The following EML1 variants were observed in gnomAD, a reference collection of about 807,000 sequenced individuals.
The protein encoded by EML1 is EMAP like 1.
In EML1, 27 loss-of-function variants were observed where a neutral mutation model predicts 110.4. That is an observed-to-expected ratio of 0.24 (90% CI 0.18 to 0.34). EML1 has a LOEUF of 0.34. Among genes scored for constraint, EML1 ranks in the 10% least tolerant of loss-of-function variants. The pLI is 1.00. For missense variants in EML1, 741 were observed against 1,030.9 expected (o/e 0.72, Z 3.85); for synonymous variants, 344 against 385.8 (o/e 0.89, Z 1.27).
At chr14:99,823,988 T>C (rs2058308395) in intron 1 of EML1, among the ~76,000 whole-genome samples, 1 of 152,180 alleles carries the variant, frequency 6.6e-6, no homozygotes, top group Non-Finnish European at 1.5e-5. Flanking sequence ...AGTCTCGCTC[T>C]GTCGCCAGGC....
chr14:99,913,862 GTATTTT>G (rs1259900845), intron 13 of EML1, among the ~76,000 whole-genome samples: 2 of 151,886 alleles, frequency 1.3e-5, no homozygotes, highest in Admixed American at 1.3e-4. Context: ...GCTAATTTTT[GTATTTT>G]TAGTAGAGAC....
chr14:99,741,126 G>A (rs932345632), intron 1 of EML1, among the ~76,000 whole-genome samples: 8 of 152,252 alleles, frequency 5.3e-5, no homozygotes, highest in South Asian at 2.1e-4. Flanking sequence ...CTGTGGCCTC[G>A]GGTGAGTCAC....
At chr14:99,860,493 G>A (rs1322330491) in intron 2 of EML1, among the ~76,000 whole-genome samples, 1 of 152,094 alleles carries the variant, frequency 6.6e-6, no homozygotes, top group Admixed American at 6.5e-5. Flanking sequence ...GCTGGCACCT[G>A]TTCAGACTCA....
chr14:99,873,925 A>G (rs893439506), intron 3 of EML1, among the ~76,000 whole-genome samples: 11 of 152,222 alleles, frequency 7.2e-5, no homozygotes, highest in Non-Finnish European at 1.5e-4. Flanking sequence ...TGTTGAGCAG[A>G]TCACTGCTTT....
Position 99,755,398 on chromosome 14 carries a change from C to T in EML1, c.28+17538C>T, listed in dbSNP as rs549120886. Among the ~76,000 whole-genome samples, 5 of 152,292 alleles carry T rather than the reference C, an allele frequency of 3.3e-5. No individual in the cohort carries two copies. In the East Asian group the frequency reaches 7.8e-4, roughly 24 times the overall value. Reference sequence around the variant, plus strand: ...CACTTTGAAGCTTATATCTCAGGTCCCACACGCTGTGTGTCCTTGGGCAAG... The same window carrying T: ...CACTTTGAAGCTTATATCTCAGGTCTCACACGCTGTGTGTCCTTGGGCAAG... On this transcript the variant is annotated intron_variant, in intron 1 of 10. Coordinates refer to the EML1 transcript ENST00000554479.
rs758242532 is a variant in EML1 at position 99,911,440 on chromosome 14, A to C, written c.1358A>C (p.Tyr453Ser). The C allele has an allele frequency of 6.2e-7, 1 of 1,605,834 alleles. No individual in the cohort carries two copies. Among genetic ancestry groups the C allele is most frequent in the Admixed American group, 1.8e-5 (1 of 56,814 alleles). ...TGTTTAGGTACAAATCGAATAAGCT[A>C]TGCAGTTCAGGGGGCCCATGAGGGT... ...VWGKGTNRIS[Y>S]AVQGAHEGGI... Residue 453 changes from tyrosine to serine, a missense_variant, in exon 13 of 22, where the codon TAT becomes TCT. Physicochemically the swap from Tyr to Ser is moderately radical, Grantham distance 144. Around this residue, in one of 4 missense-constraint regions of EML1, gnomAD observed 388 missense variants for 605.6 expected, o/e 0.64. Coordinates refer to ENST00000262233, the MANE Select transcript of EML1 (RefSeq NM_004434.3).
chr14:99,766,505 G>A (rs1406836647), intron 1 of EML1, among the ~76,000 whole-genome samples: 3 of 152,036 alleles, frequency 2.0e-5, no homozygotes, highest in Admixed American at 6.6e-5. Context: ...AATTTTTAAT[G>A]TTTTTGAAGA....
chr14:99,890,172 A>G (rs2059562415), intron 4 of EML1, among the ~76,000 whole-genome samples: 2 of 152,234 alleles, frequency 1.3e-5, no homozygotes. Context: ...TCCTAGCAGC[A>G]TTTAAGGCAC....
rs1254836244 is a variant in EML1 at position 99,809,325 on chromosome 14, T to G, written c.67+15782T>G. ...AGGCCACATTGTAGGTAAAGTGGCT[T>G]GTTTTTTATTTTATTTATTTATTTA... is the stretch of plus-strand genomic sequence containing the variant. On this transcript the variant is annotated intron_variant, in intron 1 of 21. Coordinates refer to ENST00000262233, the MANE Select transcript of EML1 (RefSeq NM_004434.3). 1.9e-5 allele frequency: 3 copies of G among 159,416 alleles called. No homozygotes were observed. The Admixed American group carries it at 1.9e-4, about 10-fold the overall frequency. The allele number at this position is 159,416 out of a possible 1,614,324, so 9.9% of individuals were successfully genotyped here.
chr14:99,776,944 A>C lies in EML1; in HGVS notation c.-27+2931A>C, dbSNP rs1476782496. 9.2e-5 allele frequency among the ~76,000 whole-genome samples: 14 copies of C among 152,332 alleles called. 1 individual carries two copies. In the South Asian group the frequency reaches 2.3e-3, roughly 25 times the overall value. On this transcript the variant is annotated intron_variant, in intron 1 of 22. Transcript: ENST00000327921. ...AGACCTCAACTGATTTCAAATGTAG[A>C]ATTGAGAGTTCTTCAGAAAATCAGC...
chr14:99,822,828 T>C (rs1220531731), intron 1 of EML1, among the ~76,000 whole-genome samples: 3 of 152,234 alleles, frequency 2.0e-5, no homozygotes, highest in Admixed American at 1.3e-4. Context: ...ACACTCCTCC[T>C]TTCTTCAGTT....
intron 2 of EML1, among the ~76,000 whole-genome samples, chr14:99,863,960 G>A (rs75129232): frequency 6.6e-6 from 1 of 152,262 alleles, no homozygotes; most frequent in Non-Finnish European, 1.5e-5. Context: ...AGCAAGGAAT[G>A]AGAGTTCCTG....
intron 17 of EML1, among the ~76,000 whole-genome samples, chr14:99,921,695 T>C (rs1167000771): frequency 3.3e-5 from 5 of 152,200 alleles, no homozygotes; most frequent in Non-Finnish European, 7.3e-5. Context: ...ATTTCATCTG[T>C]TAATAATTGT....
intron 1 of EML1, among the ~76,000 whole-genome samples, chr14:99,807,615 A>G (rs763655320): frequency 6.6e-6 from 1 of 152,074 alleles, no homozygotes; most frequent in African/African-American, 2.4e-5. Context: ...GCCAGACAGG[A>G]GCTGTGACAG....
At chr14:99,937,738 C>A (rs2060501454) in intron 19 of EML1, 79 bp from the exon 20 acceptor site, 2 of 1,353,330 alleles carry the variant, frequency 1.5e-6, no homozygotes, top group Non-Finnish European at 2.1e-6. Flanking sequence ...CAACGGGGCA[C>A]AGCTCTGGGG....
chr14:99,807,728 G>C (rs1467763631), intron 1 of EML1, among the ~76,000 whole-genome samples: 3 of 152,196 alleles, frequency 2.0e-5, no homozygotes, highest in Non-Finnish European at 4.4e-5. Context: ...ACGCAGGGGA[G>C]AGAGGGTGGA....
At chr14:99,778,454 G>T (rs2057506219) in intron 1 of EML1, among the ~76,000 whole-genome samples, 1 of 151,944 alleles carries the variant, frequency 6.6e-6, no homozygotes, top group African/African-American at 2.4e-5. Flanking sequence ...CAGCTTCTTG[G>T]TGGCATTTCT....
At chr14:99,745,501 G>C (rs2057098198) in intron 1 of EML1, among the ~76,000 whole-genome samples, 1 of 152,238 alleles carries the variant, frequency 6.6e-6, no homozygotes, top group African/African-American at 2.4e-5. Context: ...CTTTGTATGA[G>C]ATAAGATCTG....
chr14:99,919,462 A>ACACACACC (rs2060094338), intron 16 of EML1, among the ~76,000 whole-genome samples: 3 of 147,672 alleles, frequency 2.0e-5, no homozygotes, highest in Non-Finnish European at 4.5e-5. Flanking sequence ...ACACACACAC[A>ACACACACC]CTCCACCTCC....
Sources: allele counts gnomAD v4.1 joint callset (sites outside exome capture counted in the v4.1 genomes callset), GRCh38; gene constraint gnomAD v4.1.1; regional missense constraint gnomAD v4.1.1; transcripts MANE v1.5; gene names NCBI Gene and HGNC (gene_info 2026-07-23, HGNC 2026-07-21).